The following PLXNA4 variants were observed in gnomAD, a reference collection of about 807,000 sequenced individuals.
The protein encoded by PLXNA4 is plexin A4.
In PLXNA4, 44 loss-of-function variants were observed where a neutral mutation model predicts 191.8. The ratio of observed to expected loss-of-function variants is 0.23; its 90% CI spans 0.18 to 0.29. The LOEUF is 0.29. PLXNA4 is among the 10% of genes least tolerant of loss of function. The pLI, the probability that PLXNA4 is intolerant of heterozygous loss-of-function variation, is 1.00. For synonymous variants in PLXNA4, 1,082 were observed against 1,009.5 expected, an observed-to-expected ratio of 1.07 and a Z score of -1.36; for missense variants, 1,800 against 2,488.8, an observed-to-expected ratio of 0.72 and a Z score of 5.89.
chr7:132,279,866 C>T (rs1029381869), intron 4 of PLXNA4, among the ~76,000 whole-genome samples: 6 of 152,076 alleles, frequency 3.9e-5, no homozygotes, highest in Non-Finnish European at 5.9e-5. Context: ...AGATGGGAGC[C>T]GGACGCCCAA....
chr7:132,165,065 A>C (rs1584783553), intron 23 of PLXNA4, 69 bp downstream of exon 23: 1 of 1,575,416 alleles, frequency 6.3e-7, no homozygotes, highest in East Asian at 2.3e-5. Context: ...GGGGGTGTGG[A>C]GCGATCCCCA....
chr7:132,216,441 C>T (rs2060724), intron 9 of PLXNA4, among the ~76,000 whole-genome samples: 61,034 of 151,962 alleles, frequency 0.4, 13,278 homozygotes, highest in African/African-American at 0.55. Context: ...CTCCAAGGGG[C>T]GGCTCTTCAC....
chr7:132,148,792 C>T, intron 25 of PLXNA4, 146 bp from the exon 26 acceptor site: 2 of 1,313,032 alleles, frequency 1.5e-6, no homozygotes, highest in South Asian at 3.1e-5. Context: ...AAATGGAGTG[C>T]CAAAGCTCTC....
intron 22 of PLXNA4, 23 bp downstream of exon 22, chr7:132,168,281 G>A (rs1204306611): frequency 2.0e-6 from 3 of 1,505,656 alleles, no homozygotes; most frequent in African/African-American, 1.4e-5. Flanking sequence ...GCTGGAGCAG[G>A]GTGCCCCAGA....
At chr7:132,137,783 CAGGACAGGAGTG>C (rs1194108895) in intron 30 of PLXNA4, among the ~76,000 whole-genome samples, 1 of 149,664 alleles carries the variant, frequency 6.7e-6, no homozygotes, top group Non-Finnish European at 1.5e-5. Flanking sequence ...AAATAGATGG[CAGGACAGGAGTG>C]AGGGCAGGTG....
At chr7:132,630,191 G>A (rs79771324) in intron 2 of PLXNA4, among the ~76,000 whole-genome samples, 1 of 152,096 alleles carries the variant, frequency 6.6e-6, no homozygotes, top group East Asian at 1.9e-4. Context: ...ATCAGATTAG[G>A]ACCATGCCCT....
chr7:132,254,399 G>C lies in PLXNA4; in HGVS notation c.1504-13233C>G, dbSNP rs185738187. On this transcript the variant is annotated intron_variant, in intron 4 of 31. Transcript: ENST00000321063. Reference sequence around the variant, plus strand: ...CAATTGTGAGGGTGAGTAAAGGGTTGTGTGCACATCCTTTCTGAGAGAATG... The same window carrying C: ...CAATTGTGAGGGTGAGTAAAGGGTTCTGTGCACATCCTTTCTGAGAGAATG... Among the ~76,000 whole-genome samples the C allele has an allele frequency of 2.6e-5, 4 of 152,310 alleles. No individual in the cohort carries two copies. In the East Asian group the frequency reaches 7.7e-4, roughly 29 times the overall value.
chr7:132,431,393 G>A (rs1026295909), intron 3 of PLXNA4, among the ~76,000 whole-genome samples: 2 of 152,040 alleles, frequency 1.3e-5, no homozygotes, highest in African/African-American at 2.4e-5. Context: ...CACCCTCCTC[G>A]TCACTCCTCA....
intron 4 of PLXNA4, among the ~76,000 whole-genome samples, chr7:132,268,747 C>A (rs1799948704): frequency 6.6e-6 from 1 of 152,172 alleles, no homozygotes; most frequent in East Asian, 1.9e-4. Flanking sequence ...GATCTCAGCC[C>A]CCTTTTCTTG....
At chr7:132,280,752 G>T (rs1800450521) in intron 4 of PLXNA4, among the ~76,000 whole-genome samples, 1 of 152,152 alleles carries the variant, frequency 6.6e-6, no homozygotes, top group South Asian at 2.1e-4. Flanking sequence ...TGGTACAAAG[G>T]AAATTGTTTT....
At chr7:132,597,859 C>CTATATATATATA (rs1554476079) in intron 2 of PLXNA4, among the ~76,000 whole-genome samples, 3 of 145,364 alleles carry the variant, frequency 2.1e-5, no homozygotes, top group East Asian at 4.1e-4. Flanking sequence ...CTCTCTCTCT[C>CTATATATATATA]TATATATATA....
In PLXNA4 at chr7:132,206,592, A is replaced by G. The variant is rs1168832601; in HGVS notation, c.2299-3173T>C. On this transcript the variant is annotated intron_variant, in intron 10 of 31. Transcript: ENST00000321063. ...CCCCCAATCCTGGGATCTAATGACTATTAGAGAAATCGTTAACCCCATGTG... is the reference window on the plus strand; with the variant it reads ...CCCCCAATCCTGGGATCTAATGACTGTTAGAGAAATCGTTAACCCCATGTG... 5.9e-5 allele frequency among the ~76,000 whole-genome samples: 9 copies of G among 152,228 alleles called. No homozygotes were observed. The South Asian group carries it at 1.0e-3, about 18-fold the overall frequency.
chr7:132,180,032 C>A, intron 19 of PLXNA4, 111 bp from the exon 20 acceptor site: 1 of 1,444,086 alleles, frequency 6.9e-7, no homozygotes, highest in Non-Finnish European at 9.1e-7. Flanking sequence ...GAAAGGAGAC[C>A]AATCACTGGT....
chr7:132,305,546 C>T (rs879378273), intron 3 of PLXNA4, among the ~76,000 whole-genome samples: 17 of 152,210 alleles, frequency 1.1e-4, no homozygotes, highest in Admixed American at 4.6e-4. Flanking sequence ...CTATCTCCAT[C>T]CCTGGCACGG....
intron 16 of PLXNA4, 28 bp downstream of exon 16, chr7:132,185,271 A>C: frequency 6.3e-7 from 1 of 1,594,386 alleles, no homozygotes; most frequent in Non-Finnish European, 8.5e-7. Context: ...GTGCAGAAGC[A>C]TTAAGGTCCG....
chr7:132,270,291 CAG>C (rs919999460), intron 4 of PLXNA4, among the ~76,000 whole-genome samples: 1 of 152,018 alleles, frequency 6.6e-6, no homozygotes, highest in Non-Finnish European at 1.5e-5. Context: ...AATAAGAACC[CAG>C]AGAGAGGGAG....
chr7:132,381,119 T>C (rs1214177356), intron 3 of PLXNA4, among the ~76,000 whole-genome samples: 1 of 152,252 alleles, frequency 6.6e-6, no homozygotes, highest in African/African-American at 2.4e-5. Flanking sequence ...CCAAGCACTC[T>C]GCTGGGCACT....
chr7:132,236,740 A>G (rs1289854806), intron 5 of PLXNA4, among the ~76,000 whole-genome samples: 2 of 152,144 alleles, frequency 1.3e-5, no homozygotes, highest in African/African-American at 2.4e-5. Context: ...CTTGGAAGCA[A>G]TTAAACCTCC....
At chr7:132,643,132 G>C (rs1050347228) in intron 2 of PLXNA4, among the ~76,000 whole-genome samples, 2 of 152,002 alleles carry the variant, frequency 1.3e-5, no homozygotes, top group Non-Finnish European at 1.5e-5. Context: ...TAAGTGGAAG[G>C]GCAGCTCATG....
Sources: gnomAD v4.1 joint callset for allele counts (sites outside exome capture counted in the v4.1 genomes callset) on GRCh38, gnomAD v4.1.1 for gene constraint, MANE v1.5 for transcripts, NCBI Gene and HGNC (gene_info 2026-07-23, HGNC 2026-07-21) for gene names.